HDAC2: variants seen among roughly 807,000 people sequenced by gnomAD.
The protein encoded by HDAC2 is histone deacetylase 2.
HDAC2 carries 5 observed loss-of-function variants against 68.5 expected under a neutral mutation model. The observed-to-expected ratio is 0.07, with a 90% confidence interval of 0.04 to 0.15. The LOEUF is 0.15. HDAC2 is among the 10% of genes least tolerant of loss of function. The pLI, the probability that HDAC2 is intolerant of heterozygous loss-of-function variation, is 1.00. For synonymous variants in HDAC2, 182 were observed against 191.3 expected (o/e 0.95, Z 0.40); for missense variants, 291 against 600.8 (o/e 0.48, Z 5.39).
At chr6:113,969,135 T>C (rs1263718724) in intron 1 of HDAC2, among the ~76,000 whole-genome samples, 2 of 152,230 alleles carry the variant, frequency 1.3e-5, no homozygotes, top group African/African-American at 2.4e-5. Flanking sequence ...ACCCAAAATA[T>C]GCAATGTAAA....
chr6:113,958,881 A>G, intron 2 of HDAC2, 115 bp from the exon 3 acceptor site: 1 of 720,884 alleles, frequency 1.4e-6, no homozygotes, highest in Non-Finnish European at 2.4e-6. Context: ...GTCTACCAGA[A>G]CAAAATATAT....
In HDAC2 at chr6:113,971,093, G is replaced by A; in HGVS notation, c.-185C>T. The A allele has an allele frequency of 1.3e-6, 2 of 1,549,440 alleles. No homozygotes were observed. Among genetic ancestry groups the A allele is most frequent in the East Asian group, 2.4e-5 (1 of 41,166 alleles). ...CGGGAAGGCTCGGTACCACCCGGCA[G>A]AGGTGCCGAAAGCTCGGAATCGGAG... is the stretch of plus-strand genomic sequence containing the variant. On this transcript the variant is annotated 5_prime_UTR_variant, in exon 1 of 14. Transcript: ENST00000519065.
At position 113,966,879 on chromosome 6, in the gene HDAC2, G is replaced by A. The variant is rs1175148463; in HGVS notation, c.52+3978C>T. Among the ~76,000 whole-genome samples, 4 of 152,300 alleles carry A rather than the reference G, an allele frequency of 2.6e-5. No homozygotes were observed. In the East Asian group the frequency reaches 7.7e-4, roughly 29 times the overall value. On this transcript the variant is annotated intron_variant, in intron 1 of 13. Coordinates refer to ENST00000519065, the MANE Select transcript of HDAC2 (RefSeq NM_001527.4). The stretch of plus-strand genomic sequence containing the variant: ...CAGTCTTATTTAGTCATGTTTTATT[G>A]TGCAATTAGTATTACTGGTATTTAT...
At chr6:113,954,894 A>ATC (rs1049432670) in intron 5 of HDAC2, among the ~76,000 whole-genome samples, 1 of 152,204 alleles carries the variant, frequency 6.6e-6, no homozygotes, top group African/African-American at 2.4e-5. Context: ...ACCTCTATAG[A>ATC]TCTCTCTCTC....
At chr6:113,966,802 A>T (rs547424851) in intron 1 of HDAC2, among the ~76,000 whole-genome samples, 61 of 152,312 alleles carry the variant, frequency 4.0e-4, no homozygotes, top group Non-Finnish European at 6.3e-4. Context: ...GTAAAATTTG[A>T]AAGAAAAGAG....
chr6:113,962,934 A>G (rs1249285616), intron 1 of HDAC2, among the ~76,000 whole-genome samples: 58 of 149,238 alleles, frequency 3.9e-4, no homozygotes, highest in South Asian at 1.1e-3. Flanking sequence ...ACTGCACTCC[A>G]GCCTGGGTGA....
intron 8 of HDAC2, chr6:113,947,451 T>C (rs1776289549): frequency 6.6e-6 from 1 of 152,150 alleles, no homozygotes; most frequent in Non-Finnish European, 1.5e-5. Flanking sequence ...GAATTACAAA[T>C]ATCCTTACAC....
intron 5 of HDAC2, among the ~76,000 whole-genome samples, chr6:113,954,131 C>T (rs1776489503): frequency 6.6e-6 from 1 of 152,154 alleles, no homozygotes; most frequent in African/African-American, 2.4e-5. Context: ...ACATGAATCA[C>T]CATGTCATGA....
Position 113,967,577 on chromosome 6 carries a change from A to G in HDAC2, c.52+3280T>C, listed in dbSNP as rs1776853680. Among the ~76,000 whole-genome samples, 4 of 152,360 alleles carry G rather than the reference A, an allele frequency of 2.6e-5. No homozygotes were observed. In the South Asian group the frequency reaches 8.3e-4, roughly 32 times the overall value. On this transcript the variant is annotated intron_variant, in intron 1 of 13. Transcript: ENST00000519065. The stretch of plus-strand genomic sequence containing the variant: ...CAGAGAAATTTGTGTATAGTTACAT[A>G]AATTAGGTATATAAACCCTATTATA...
Position 113,943,417 on chromosome 6 carries a change from G to C in HDAC2, c.1312C>G (p.His438Asp). Residue 438 changes from histidine to aspartate, a missense_variant, in exon 12 of 14, where the codon CAT (histidine) becomes GAT (aspartate). By Grantham distance (81) the His-to-Asp change is moderately conservative. Transcript: ENST00000519065. Reference sequence around the variant, plus strand: ...CTAGCTTTCTTTGCTCCTTTCTTATGATCAGCCACATTTCTTCGACCTCCT... The same window carrying C: ...CTAGCTTTCTTTGCTCCTTTCTTATCATCAGCCACATTTCTTCGACCTCCT... ...GEGGRRNVAD[H>D]KKGAKKARIE... 4 of 1,609,686 alleles carry C rather than the reference G, an allele frequency of 2.5e-6. No individual in the cohort carries two copies. Among genetic ancestry groups the C allele is most frequent in the Non-Finnish European group, 3.4e-6 (4 of 1,178,352 alleles).
intron 13 of HDAC2, 110 bp from the exon 14 acceptor site, chr6:113,941,198 T>C (rs1449891812): frequency 5.6e-6 from 4 of 718,674 alleles, no homozygotes; most frequent in South Asian, 1.9e-5. Flanking sequence ...AACACATTAA[T>C]TGATAATGTC....
chr6:113,956,290 C>T (rs1776550597), intron 4 of HDAC2, 139 bp from the exon 5 acceptor site: 3 of 700,490 alleles, frequency 4.3e-6, no homozygotes, highest in Non-Finnish European at 7.0e-6. Flanking sequence ...ATCTATAACA[C>T]AAATAGGAGT....
chr6:113,959,103 TTCATCAATGAAATCAC>T (rs764255405), intron 2 of HDAC2, among the ~76,000 whole-genome samples: 17 of 152,082 alleles, frequency 1.1e-4, no homozygotes, highest in Admixed American at 5.9e-4. Context: ...ATCCAGTGAT[TTCATCAATGAAATCAC>T]TCACTACAAG....
In HDAC2 at chr6:113,941,709, CT is replaced by C; in HGVS notation, c.1434del (p.Gly479GlufsTer27). The C allele has an allele frequency of 7.4e-7, 1 of 1,352,338 alleles. No homozygotes were observed. Among genetic ancestry groups the C allele is most frequent in the Non-Finnish European group, 1.0e-6 (1 of 974,070 alleles). 83.8% of individuals were successfully genotyped at this position (1,352,338 alleles called of 1,614,324 possible). A position where few individuals can be genotyped will look rare whatever the true frequency, so the allele number is the denominator to read the frequency against. ...TACTTGATAAGGAACATCATTTACCCTTTGGTATCTGTTTTTTCACCACTGT... is the reference window on the plus strand; with the variant it reads ...TACTTGATAAGGAACATCATTTACCCTTGGTATCTGTTTTTTCACCACTGT... Reference protein sequence around the residue: ...KDNSGEKTDTKGTKSEQLSNP With the variant: ...KDNSGEKTDTXGTKSEQLSNP On this transcript the variant is annotated frameshift_variant and splice_region_variant, in exon 13 of 14. Coordinates refer to ENST00000519065, the MANE Select transcript of HDAC2 (RefSeq NM_001527.4). LOFTEE classifies it high-confidence loss of function.
chr6:113,949,152 A>G lies in HDAC2; in HGVS notation c.732+16T>C, dbSNP rs1776338807. On this transcript the variant is annotated intron_variant, in intron 7 of 13. Transcript: ENST00000519065. ...TTCTGAAATTCCATTCCAATTGTGA[A>G]AACAATAATACTTACAGGCTTAAAT... 11 of 1,603,932 alleles carry G rather than the reference A, an allele frequency of 6.9e-6. No homozygotes were observed. The highest frequency in any genetic ancestry group is 9.4e-6 in the Non-Finnish European group (11 of 1,170,870).
chr6:113,941,366 C>A (rs968527192), intron 13 of HDAC2, among the ~76,000 whole-genome samples: 3 of 151,990 alleles, frequency 2.0e-5, no homozygotes, highest in Non-Finnish European at 4.4e-5. Context: ...AAAATTGTTT[C>A]TTAAATTTAC....
chr6:113,942,997 G>A (rs139097820), intron 12 of HDAC2, among the ~76,000 whole-genome samples: 1 of 151,988 alleles, frequency 6.6e-6, no homozygotes, highest in African/African-American at 2.4e-5. Flanking sequence ...ATAAGCTTTA[G>A]GTAGCTAAAA....
chr6:113,945,236 C>G (rs1776241489), intron 10 of HDAC2, 126 bp downstream of exon 10: 1 of 425,546 alleles, frequency 2.3e-6, no homozygotes, highest in African/African-American at 2.1e-5. Flanking sequence ...CTTAATGTTT[C>G]AAATCCTTTA....
At chr6:113,955,698 AT>A (rs1323457975) in intron 5 of HDAC2, among the ~76,000 whole-genome samples, 1 of 151,906 alleles carries the variant, frequency 6.6e-6, no homozygotes, top group East Asian at 1.9e-4. Flanking sequence ...TTCTGTAGAG[AT>A]GGGGTTTTGC....
Sources: gnomAD v4.1 joint callset for allele counts (sites outside exome capture counted in the v4.1 genomes callset) on GRCh38, gnomAD v4.1.1 for gene constraint, MANE v1.5 for transcripts, NCBI Gene and HGNC (gene_info 2026-07-23, HGNC 2026-07-21) for gene names.